The following SLC25A22 variants were observed in gnomAD, a reference collection of about 807,000 sequenced individuals.
The protein encoded by SLC25A22 is mitochondrial glutamate carrier 1.
Under a neutral mutation model 33.7 loss-of-function variants are expected in SLC25A22, and 23 were observed. The observed-to-expected ratio is 0.68, with a 90% CI of 0.49 to 0.97. The LOEUF is 0.97. SLC25A22 is among the 50% of genes least tolerant of loss of function. The pLI is 0.00. For synonymous variants in SLC25A22, 245 were observed against 203.8 expected (o/e 1.20, Z -1.72); for missense variants, 390 against 451.1 (o/e 0.86, Z 1.23).
rs1012242288 is a variant in SLC25A22 at position 795,174 on chromosome 11, A to C, written c.-163-5T>G. 3 of 819,750 alleles carry C rather than the reference A, an allele frequency of 3.7e-6. No individual in the cohort carries two copies. The highest frequency in any genetic ancestry group is 6.0e-6 in the Non-Finnish European group (3 of 496,476). The allele number at this position is 819,750 out of a possible 1,614,324, so 50.8% of individuals were successfully genotyped here. A position where few individuals can be genotyped will look rare whatever the true frequency, so the allele number is the denominator to read the frequency against. The stretch of plus-strand genomic sequence containing the variant: ...TCAGCAACCGCCACTTCTGTCCTAG[A>C]AGGATGAGGGAATGGGAATGAGTGA... On this transcript the variant is annotated splice_polypyrimidine_tract_variant and splice_region_variant and intron_variant, in intron 1 of 9. Coordinates refer to ENST00000628067, the MANE Select transcript of SLC25A22 (RefSeq NM_001191061.2).
rs1283242365 is a variant in SLC25A22, at chr11:792,403, C to G, written c.643G>C (p.Gly215Arg). ...GACTTCTCCTCGGACGCCGGGCGGCCCAGCTGGTTCAGGTTGGCAAAGAGC... is the reference window on the plus strand; with the variant it reads ...GACTTCTCCTCGGACGCCGGGCGGCGCAGCTGGTTCAGGTTGGCAAAGAGC... ...FPLFANLNQLGRPASEEKSPF... is the reference protein window; with the variant it reads ...FPLFANLNQLRRPASEEKSPF... The change falls in exon 8 of 10, where the codon GGC becomes CGC. Residue 215 changes from glycine (G) to arginine (R), a missense_variant. Coordinates refer to ENST00000628067, the MANE Select transcript of SLC25A22 (RefSeq NM_001191061.2). 6.2e-7 allele frequency: 1 copy of G among 1,613,414 alleles called. No homozygotes were observed. Among genetic ancestry groups the G allele is most frequent in the Admixed American group, 1.7e-5 (1 of 60,036 alleles).
rs1864926333 is a variant in SLC25A22 at position 798,010 on chromosome 11, C to T, written c.-164+207G>A. 3 of 398,302 alleles carry T rather than the reference C, an allele frequency of 7.5e-6. No homozygotes were observed. The Admixed American group carries it at 1.3e-4, about 18-fold the overall frequency. 24.7% of individuals were successfully genotyped at this position (398,302 alleles called of 1,614,324 possible). On this transcript the variant is annotated intron_variant, in intron 1 of 9. Transcript: ENST00000628067. ...GACACGTATGTGCGGGGAGCGCGCC[C>T]GGAACCGTCGGGGCCGAGCACGGCG...
chr11:793,099 T>G (rs1864624461), intron 5 of SLC25A22, 111 bp from the exon 6 acceptor site: 2 of 1,015,484 alleles, frequency 2.0e-6, no homozygotes, highest in Admixed American at 4.0e-5. Flanking sequence ...TGGAGGCAGA[T>G]GCAGGCCTGT....
Position 792,353 on chromosome 11 carries a change from G to A in SLC25A22, c.693C>T (p.Ala231=), listed in dbSNP as rs530935116. The part of the protein sequence containing the change: ...EKSPFYVSFL[A]GCVAGSAAAV... ...CGGCGGCACTCCCAGCCACACAGCC[G>A]GCCAGGAAGGACACGTAGAAAGGCG... The change falls in exon 8 of 10, where the codon GCC becomes GCT. Residue 231 remains alanine, a synonymous_variant. Coordinates refer to ENST00000628067, the MANE Select transcript of SLC25A22 (RefSeq NM_001191061.2). The A allele has an allele frequency of 3.3e-5, 53 of 1,613,192 alleles. No homozygotes were observed. In the South Asian group the frequency reaches 4.3e-4, roughly 13 times the overall value.
intron 1 of SLC25A22, chr11:795,517 G>C (rs533572494): frequency 1.4e-4 from 45 of 326,388 alleles, no homozygotes; most frequent in Non-Finnish European, 2.2e-4. Flanking sequence ...GCCTACCGGA[G>C]CACCTCGACC....
At chr11:794,116 G>C (rs576347962) in intron 4 of SLC25A22, 2 of 594,926 alleles carry the variant, frequency 3.4e-6, no homozygotes, top group Non-Finnish European at 6.2e-6. Context: ...GCTGCTTTGC[G>C]GTAATGCCCC....
At chr11:795,476 TG>T (rs1864774896) in intron 1 of SLC25A22, 6 of 341,208 alleles carry the variant, frequency 1.8e-5, no homozygotes, top group Non-Finnish European at 3.5e-5. Flanking sequence ...CAGGCACCTC[TG>T]GGGGCAGTGC....
chr11:793,560 C>T lies in SLC25A22; in HGVS notation c.262G>A (p.Asp88Asn), dbSNP rs373143449. Residue 88 changes from aspartate (D) to asparagine (N), a missense_variant, in exon 5 of 10, where the codon GAC (aspartate) becomes AAC (asparagine). Asp to Asn is a conservative substitution (Grantham distance 23, BLOSUM62 1). Coordinates refer to ENST00000628067, the MANE Select transcript of SLC25A22 (RefSeq NM_001191061.2). Reference sequence around the variant, plus strand: ...TTAGAGAGCTGATGTCGGAAGAAGTCGTTGGCTGCCAGCTTGATGGCCTTC... The same window carrying T: ...TTAGAGAGCTGATGTCGGAAGAAGTTGTTGGCTGCCAGCTTGATGGCCTTC... ...PEKAIKLAAN[D>N]FFRHQLSKDG... 4 of 1,613,196 alleles carry T rather than the reference C, an allele frequency of 2.5e-6. No individual in the cohort carries two copies. The highest frequency in any genetic ancestry group is 3.4e-6 in the Non-Finnish European group (4 of 1,179,966).
chr11:792,616 C>A lies in SLC25A22; in HGVS notation c.524G>T (p.Arg175Leu), dbSNP rs769329043. 88 of 1,605,558 alleles carry A rather than the reference C, an allele frequency of 5.5e-5. No homozygotes were observed. Among genetic ancestry groups the A allele is most frequent in the Non-Finnish European group, 7.4e-5 (87 of 1,177,100 alleles). Residue 175 changes from arginine (R) to leucine (L), a missense_variant, in exon 7 of 10, where the codon CGC becomes CTC. Transcript: ENST00000628067. ...APRPTATQLT[R>L]DLLRSRGIAG... ...AATGCCACGGCTCCGCAGCAGGTCG[C>A]GGGTCAGCTGGGTGGCCGTGGGCCG...
At chr11:797,634 G>C (rs1864905955) in intron 1 of SLC25A22, 2 of 398,696 alleles carry the variant, frequency 5.0e-6, no homozygotes, top group Admixed American at 8.8e-5. Context: ...CAATGGGGGT[G>C]AGGCTCCGAG....
Position 791,983 on chromosome 11 carries a change from C to A in SLC25A22, c.904G>T (p.Ala302Ser), listed in dbSNP as rs543833545. 6.2e-7 allele frequency: 1 copy of A among 1,609,194 alleles called. No homozygotes were observed. The highest frequency in any genetic ancestry group is 8.5e-7 in the Non-Finnish European group (1 of 1,179,366). The change falls in exon 10 of 10, where the codon GCA (alanine) becomes TCA (serine). Residue 302 changes from alanine (A) to serine (S), a missense_variant. By Grantham distance (99) the Ala-to-Ser change is moderately conservative. Transcript: ENST00000628067. ...ALVIAPLFGIAQVVYFLGIAE... is the reference protein window; with the variant it reads ...ALVIAPLFGISQVVYFLGIAE... ...ATGCCCAGGAAGTAGACCACCTGTG[C>A]GATGCCGAAAAGGGGCGCGATGACC...
chr11:792,676 C>A lies in SLC25A22; in HGVS notation c.464G>T (p.Gly155Val). The A allele has an allele frequency of 1.3e-6, 2 of 1,559,114 alleles. No homozygotes were observed. The highest frequency in any genetic ancestry group is 1.7e-6 in the Non-Finnish European group (2 of 1,155,346). Residue 155 changes from glycine to valine, a missense_variant, in exon 7 of 10, where the codon GGT becomes GTT. By Grantham distance (109) the Gly-to-Val change is moderately radical. Transcript: ENST00000628067. ...AAQGQLSAQGGAQPSVEAPAA... is the reference protein window; with the variant it reads ...AAQGQLSAQGVAQPSVEAPAA... ...TGGAGCCTCCACTGAGGGCTGGGCA[C>A]CCCCCTGGGCCGAGAGCTGGCCCTG... is the stretch of plus-strand genomic sequence containing the variant.
chr11:794,686 C>G, intron 3 of SLC25A22, 90 bp downstream of exon 3: 2 of 1,545,806 alleles, frequency 1.3e-6, no homozygotes, highest in Non-Finnish European at 1.7e-6. Context: ...TCCCTTCTGT[C>G]AAACAGGGTG....
chr11:794,385 C>G lies in SLC25A22; in HGVS notation c.202+73G>C, dbSNP rs777250128. On this transcript the variant is annotated intron_variant, in intron 4 of 9. Coordinates refer to ENST00000628067, the MANE Select transcript of SLC25A22 (RefSeq NM_001191061.2). Reference sequence around the variant, plus strand: ...GCTGGCCGCCCTGCCCTGCCTCCCCCACCGCTCCCTGCCACGACTCGCGGG... The same window carrying G: ...GCTGGCCGCCCTGCCCTGCCTCCCCGACCGCTCCCTGCCACGACTCGCGGG... The G allele has an allele frequency of 1.5e-5, 23 of 1,555,922 alleles. No individual in the cohort carries two copies. In the East Asian group the frequency reaches 5.5e-4, roughly 37 times the overall value.
chr11:792,277 C>T, intron 8 of SLC25A22, 27 bp downstream of exon 8: 1 of 1,613,092 alleles, frequency 6.2e-7, no homozygotes. Flanking sequence ...GCCCCATCCC[C>T]AGCCGGGCGC....
At chr11:793,231 G>A (rs532363307) in intron 5 of SLC25A22, among the ~76,000 whole-genome samples, 1 of 152,328 alleles carries the variant, frequency 6.6e-6, no homozygotes, top group African/African-American at 2.4e-5. Flanking sequence ...AAGGAAAATG[G>A]GAAATTGGGG....
At chr11:797,235 C>CAGTGCAGCGGAGAGG in intron 1 of SLC25A22, among the ~76,000 whole-genome samples, 1 of 152,204 alleles carries the variant, frequency 6.6e-6, no homozygotes, top group South Asian at 2.1e-4. Context: ...GCACGTCACC[C>CAGTGCAGCGGAGAGG]AGTGCAGCGG....
In SLC25A22 at chr11:791,492, AG is replaced by A; in HGVS notation, c.*422del. ...GGCTGGAGAGCCGCTTGGGTCCAGC[AG>A]ATTCAATAAATAGGTTTGTGTGGGG... On this transcript the variant is annotated 3_prime_UTR_variant, in exon 10 of 10. Transcript: ENST00000628067. 1 of 233,938 alleles carries A rather than the reference AG, an allele frequency of 4.3e-6. No individual in the cohort carries two copies. The highest frequency in any genetic ancestry group is 1.6e-3 in the Middle Eastern group (1 of 616). 14.5% of individuals were successfully genotyped at this position (233,938 alleles called of 1,614,324 possible). A position where few individuals can be genotyped will look rare whatever the true frequency, so the allele number is the denominator to read the frequency against.
rs1171848416 is a variant in SLC25A22, at chr11:793,519, G to A, written c.293+10C>T. On this transcript the variant is annotated intron_variant, in intron 5 of 9. Coordinates refer to ENST00000628067, the MANE Select transcript of SLC25A22 (RefSeq NM_001191061.2). ...AGACCCCTCGAGTGTCTGCCAGGCAGAACCCTCACCCGTCCTTAGAGAGCT... is the reference window on the plus strand; with the variant it reads ...AGACCCCTCGAGTGTCTGCCAGGCAAAACCCTCACCCGTCCTTAGAGAGCT... 1 of 1,613,272 alleles carries A rather than the reference G, an allele frequency of 6.2e-7. No homozygotes were observed. The highest frequency in any genetic ancestry group is 8.5e-7 in the Non-Finnish European group (1 of 1,179,848).
Sources: allele counts gnomAD v4.1 joint callset (sites outside exome capture counted in the v4.1 genomes callset), GRCh38; gene constraint gnomAD v4.1.1; transcripts MANE v1.5; gene names NCBI Gene and HGNC (gene_info 2026-07-23, HGNC 2026-07-21).